The following SHTN1 variants were observed in gnomAD, a reference collection of about 807,000 sequenced individuals.
SHTN1 encodes the protein shootin 1.
In SHTN1, 42 loss-of-function variants were observed where a neutral mutation model predicts 83.1. That is an observed-to-expected ratio of 0.51 (90% CI 0.39 to 0.65). SHTN1 has a LOEUF of 0.65. SHTN1 is among the 30% of genes least tolerant of loss of function. The probability of loss-of-function intolerance (pLI) is 0.00; values close to 1 mark genes in which losing one functional copy is unlikely to be tolerated. For missense variants in SHTN1, 622 were observed against 737.8 expected (o/e 0.84, Z 1.82); for synonymous variants, 224 against 247.7 (o/e 0.90, Z 0.90).
At chr10:116,920,177 C>T (rs150175009) in intron 12 of SHTN1, among the ~76,000 whole-genome samples, 58 of 152,148 alleles carry the variant, frequency 3.8e-4, no homozygotes, top group African/African-American at 1.2e-3. Flanking sequence ...TAACAAAATA[C>T]GATAAAGAGG....
At chr10:116,986,833 AT>A (rs1851237510) in intron 1 of SHTN1, among the ~76,000 whole-genome samples, 1 of 143,892 alleles carries the variant, frequency 6.9e-6, no homozygotes, top group Admixed American at 7.4e-5. Flanking sequence ...GGTTCAAGCG[AT>A]TCTCCTGCCT....
intron 1 of SHTN1, among the ~76,000 whole-genome samples, chr10:116,995,332 A>G (rs1851590843): frequency 6.6e-6 from 1 of 152,156 alleles, no homozygotes; most frequent in Admixed American, 6.5e-5. Flanking sequence ...TCTAAAGGAG[A>G]AACTGAACTC....
intron 1 of SHTN1, among the ~76,000 whole-genome samples, chr10:117,068,824 G>A (rs920254490): frequency 4.6e-5 from 7 of 152,158 alleles, no homozygotes; most frequent in African/African-American, 1.7e-4. Flanking sequence ...CACAAAATGT[G>A]TAAAGTGCTG....
chr10:117,022,022 C>A (rs1055295211), intron 2 of SHTN1, among the ~76,000 whole-genome samples: 1 of 152,110 alleles, frequency 6.6e-6, no homozygotes, highest in African/African-American at 2.4e-5. Flanking sequence ...AAGAGCAAAA[C>A]CAGATCTCTC....
At chr10:117,114,464 T>C (rs1000203412) in intron 1 of SHTN1, among the ~76,000 whole-genome samples, 10 of 152,088 alleles carry the variant, frequency 6.6e-5, no homozygotes, top group African/African-American at 2.2e-4. Context: ...TGAATACCAA[T>C]TGCACTTTCC....
At chr10:117,085,353 A>G (rs1391154518) in intron 1 of SHTN1, among the ~76,000 whole-genome samples, 3 of 152,120 alleles carry the variant, frequency 2.0e-5, no homozygotes, top group Non-Finnish European at 4.4e-5. Flanking sequence ...ATGTTTACTT[A>G]GTTGAAAATA....
upstream of SHTN1, chr10:117,005,442 C>T: frequency 9.4e-7 from 1 of 1,060,808 alleles, no homozygotes; most frequent in Non-Finnish European, 1.1e-6. Context: ...CCCTTTTCTC[C>T]GCCTCCACCT....
intron 14 of SHTN1, among the ~76,000 whole-genome samples, chr10:116,911,052 T>C (rs1848170672): frequency 6.6e-6 from 1 of 152,218 alleles, no homozygotes; most frequent in Non-Finnish European, 1.5e-5. Context: ...GCCCCCATGT[T>C]TGTTGACTTA....
intron 9 of SHTN1, among the ~76,000 whole-genome samples, chr10:116,939,761 AAC>A (rs1849299936): frequency 6.6e-6 from 1 of 152,238 alleles, no homozygotes. Flanking sequence ...AGTAGCAGCT[AAC>A]AGCCTTTCCT....
At chr10:117,015,131 A>C (rs562628082) in intron 2 of SHTN1, among the ~76,000 whole-genome samples, 1 of 152,080 alleles carries the variant, frequency 6.6e-6, no homozygotes, top group South Asian at 2.1e-4. Flanking sequence ...GGCATTTGTA[A>C]CAGATATCTG....
upstream of SHTN1, chr10:117,005,605 T>C (rs2133550198): frequency 3.0e-6 from 3 of 988,970 alleles, no homozygotes; most frequent in Non-Finnish European, 3.6e-6. Context: ...GCTTCTTCCC[T>C]AGTTTTCCCG....
chr10:116,942,949 G>A (rs572662394), intron 8 of SHTN1, among the ~76,000 whole-genome samples: 11 of 152,170 alleles, frequency 7.2e-5, no homozygotes, highest in African/African-American at 2.4e-4. Context: ...GTACTTACCT[G>A]TTGAAAACCT....
intron 1 of SHTN1, among the ~76,000 whole-genome samples, chr10:116,986,819 T>G (rs1435399842): frequency 1.4e-5 from 2 of 146,076 alleles, no homozygotes; most frequent in South Asian, 2.2e-4. Flanking sequence ...ACTTCTGCCT[T>G]CCGGGTTCAA....
At chr10:117,059,058 G>A (rs1314054776) in intron 1 of SHTN1, among the ~76,000 whole-genome samples, 4 of 152,152 alleles carry the variant, frequency 2.6e-5, no homozygotes, top group Non-Finnish European at 5.9e-5. Context: ...AATGGATGAT[G>A]GTGATAGCTG....
chr10:117,087,467 C>A (rs1259319903), intron 1 of SHTN1, among the ~76,000 whole-genome samples: 1 of 152,072 alleles, frequency 6.6e-6, no homozygotes, highest in Non-Finnish European at 1.5e-5. Flanking sequence ...TTACATTTGG[C>A]ACATGACAGA....
At chr10:116,916,645 G>A (rs1009940350) in intron 12 of SHTN1, among the ~76,000 whole-genome samples, 2 of 152,184 alleles carry the variant, frequency 1.3e-5, no homozygotes, top group Non-Finnish European at 2.9e-5. Context: ...TTGCAATAAG[G>A]AGGCCTAGAT....
intron 2 of SHTN1, among the ~76,000 whole-genome samples, chr10:117,038,979 C>T (rs748788856): frequency 7.2e-5 from 11 of 152,162 alleles, no homozygotes; most frequent in Non-Finnish European, 1.0e-4. Context: ...GATCCAGCAT[C>T]GTCCTCTTTG....
At chr10:116,984,174 C>G (rs1032390595) in intron 1 of SHTN1, among the ~76,000 whole-genome samples, 2 of 152,202 alleles carry the variant, frequency 1.3e-5, no homozygotes, top group African/African-American at 4.8e-5. Context: ...CTACCTCTAG[C>G]ACTCTTTCCA....
intron 2 of SHTN1, among the ~76,000 whole-genome samples, chr10:117,041,737 C>T (rs952412984): frequency 3.3e-5 from 5 of 152,098 alleles, no homozygotes; most frequent in Admixed American, 1.3e-4. Context: ...AAATATCTAC[C>T]GCTAGCCCAT....
Sources: gnomAD v4.1 joint callset for allele counts (sites outside exome capture counted in the v4.1 genomes callset) on GRCh38, gnomAD v4.1.1 for gene constraint, MANE v1.5 for transcripts, NCBI Gene and HGNC (gene_info 2026-07-23, HGNC 2026-07-21) for gene names.